MCM2: variants seen among roughly 807,000 people sequenced by gnomAD.
MCM2 encodes the protein minichromosome maintenance complex component 2.
A neutral mutation model predicts 86.4 loss-of-function variants in MCM2; 49 were observed. The ratio of observed to expected loss-of-function variants is 0.57; its 90% CI spans 0.45 to 0.72. MCM2 has a LOEUF of 0.72. MCM2 is among the 30% of genes least tolerant of loss of function. The pLI, the probability that MCM2 is intolerant of heterozygous loss-of-function variation, is 0.00. For missense variants in MCM2, 1,038 were observed against 1,259.9 expected, an observed-to-expected ratio of 0.82 and a Z score of 2.67; for synonymous variants, 475 against 484.6, an observed-to-expected ratio of 0.98 and a Z score of 0.26.
intron 8 of MCM2, chr3:127,610,701 T>G (rs2074388631): frequency 2.3e-6 from 1 of 441,316 alleles, no homozygotes; most frequent in Non-Finnish European, 4.6e-6. Context: ...CGTGAGAAGC[T>G]GCTGCAGGCT....
chr3:127,604,723 C>T lies in MCM2; in HGVS notation c.352C>T (p.Arg118Trp). The change falls in exon 3 of 16, where the codon CGG (arginine) becomes TGG (tryptophan). Residue 118 changes from arginine (R) to tryptophan (W), a missense_variant. Physicochemically the swap from Arg to Trp is moderately radical, Grantham distance 101 (BLOSUM62 -3). Around this residue, in one of 4 missense-constraint regions of MCM2, gnomAD observed 300 missense variants for 307.4 expected, o/e 0.98. Transcript: ENST00000265056. ...GAGGGAGGCAGCAGAGCGGGCCATG[C>T]GGCAGCGTGACCGGGAGGCTGGCCG... ...SQREAAERAM[R>W]QRDREAGRGL... 13 of 1,611,180 alleles carry T rather than the reference C, an allele frequency of 8.1e-6. No individual in the cohort carries two copies. The highest frequency in any genetic ancestry group is 1.1e-5 in the South Asian group (1 of 90,920).
At chr3:127,611,519 A>G (rs544062158) in intron 8 of MCM2, among the ~76,000 whole-genome samples, 1 of 152,148 alleles carries the variant, frequency 6.6e-6, no homozygotes, top group South Asian at 2.1e-4. Flanking sequence ...AGGTTCCAAA[A>G]CGACTTGTTC....
At chr3:127,613,161 T>C (rs907127960) in intron 8 of MCM2, among the ~76,000 whole-genome samples, 3 of 152,134 alleles carry the variant, frequency 2.0e-5, no homozygotes, top group African/African-American at 4.8e-5. Flanking sequence ...GGGGATTGAG[T>C]TGGGCAATCT....
At chr3:127,614,363 A>G (rs575814479) in intron 8 of MCM2, among the ~76,000 whole-genome samples, 1 of 152,288 alleles carries the variant, frequency 6.6e-6, no homozygotes, top group Non-Finnish European at 1.5e-5. Context: ...CATTTCCCTG[A>G]TTATCTTACC....
intron 8 of MCM2, among the ~76,000 whole-genome samples, chr3:127,611,871 T>G (rs1264232832): frequency 6.7e-6 from 1 of 148,628 alleles, no homozygotes; most frequent in Non-Finnish European, 1.5e-5. Context: ...GCTAATTTTT[T>G]TGTATTTTTA....
Position 127,606,918 on chromosome 3 carries a change from C to T in MCM2, c.1101+101C>T, listed in dbSNP as rs1371041911. 10 of 1,167,372 alleles carry T rather than the reference C, an allele frequency of 8.6e-6. No homozygotes were observed. Among genetic ancestry groups the T allele is most frequent in the Admixed American group, 1.9e-5 (1 of 53,858 alleles). 72.3% of individuals were successfully genotyped at this position (1,167,372 alleles called of 1,614,324 possible). On this transcript the variant is annotated intron_variant, in intron 6 of 15. Coordinates refer to ENST00000265056, the MANE Select transcript of MCM2 (RefSeq NM_004526.4). This position sits in a 1 kb window ranked among gnomAD's most constrained non-coding sequence, Gnocchi z 4.2. ...GCTGTGGAAGACCAGTGTGGGCAGC[C>T]GCAAGAAGCAAGATAGAATTGTGTG... is the stretch of plus-strand genomic sequence containing the variant.
intron 8 of MCM2, among the ~76,000 whole-genome samples, chr3:127,615,056 G>C (rs185667130): frequency 6.6e-6 from 1 of 152,166 alleles, no homozygotes; most frequent in Non-Finnish European, 1.5e-5. Flanking sequence ...GCCTGATGGG[G>C]GTGTCTCCCC....
At chr3:127,616,783 T>G in intron 9 of MCM2, 85 bp from the exon 10 acceptor site, 3 of 1,446,850 alleles carry the variant, frequency 2.1e-6, no homozygotes, top group Non-Finnish European at 2.9e-6. Context: ...ACAAGTAGGT[T>G]GAGGAATTGG....
rs1459174343 is a variant in MCM2, at chr3:127,609,031, G to A, written c.1428+8G>A. 1.2e-6 allele frequency: 2 copies of A among 1,613,176 alleles called. No homozygotes were observed. Among genetic ancestry groups the A allele is most frequent in the Non-Finnish European group, 1.7e-6 (2 of 1,179,890 alleles). ...CAGCAGATCGGAGAGAAGGTAGGTG[G>A]AAGGCAGGGGCAGGGGCTGTCAGGA... On this transcript the variant is annotated splice_region_variant and intron_variant, in intron 8 of 15. Coordinates refer to ENST00000265056, the MANE Select transcript of MCM2 (RefSeq NM_004526.4).
Position 127,621,790 on chromosome 3 carries a change from TA to T in MCM2, c.*19del. 1 of 1,598,040 alleles carries T rather than the reference TA, an allele frequency of 6.3e-7. No individual in the cohort carries two copies. The highest frequency in any genetic ancestry group is 8.6e-7 in the Non-Finnish European group (1 of 1,166,254). On this transcript the variant is annotated 3_prime_UTR_variant, in exon 16 of 16. Coordinates refer to ENST00000265056, the MANE Select transcript of MCM2 (RefSeq NM_004526.4). The stretch of plus-strand genomic sequence containing the variant: ...CAGTTCTGAGGCCCTATGCCATCCA[TA>T]AGGATTCCTTGGGATTCTGGTTTGG...
At chr3:127,607,720 G>A (rs760043370) in intron 6 of MCM2, among the ~76,000 whole-genome samples, 27 of 152,176 alleles carry the variant, frequency 1.8e-4, no homozygotes, top group Non-Finnish European at 1.5e-4. Context: ...GGTGGTGGGT[G>A]GTTTATTACC....
Position 127,609,021 on chromosome 3 carries a change from A to AAGGT in MCM2, c.1428+3_1428+6dup. ...CTCCAAGGATCAGCAGATCGGAGAGAAGGTAGGTGGAAGGCAGGGGCAGGG... is the reference window on the plus strand; with the variant it reads ...CTCCAAGGATCAGCAGATCGGAGAGAAGGTAGGTAGGTGGAAGGCAGGGGCAGGG... On this transcript the variant is annotated frameshift_variant and splice_region_variant, in exon 8 of 16. Transcript: ENST00000265056. LOFTEE classifies it high-confidence loss of function. 6.2e-7 allele frequency: 1 copy of AAGGT among 1,613,664 alleles called. No individual in the cohort carries two copies. The highest frequency in any genetic ancestry group is 8.5e-7 in the Non-Finnish European group (1 of 1,179,932).
intron 1 of MCM2, chr3:127,598,930 A>G (rs1436052092): frequency 5.9e-6 from 2 of 341,356 alleles, no homozygotes; most frequent in African/African-American, 4.3e-5. Flanking sequence ...TGGCTCTTCT[A>G]TGCCATCTCT....
At chr3:127,600,070 A>G (rs1475099059) in intron 2 of MCM2, among the ~76,000 whole-genome samples, 1 of 152,232 alleles carries the variant, frequency 6.6e-6, no homozygotes, top group Non-Finnish European at 1.5e-5. Flanking sequence ...ACCTGAGGTC[A>G]GGAGTTTGAA....
Position 127,608,361 on chromosome 3 carries a change from C to T in MCM2, c.1102-21C>T, listed in dbSNP as rs181854626. 9 of 1,612,660 alleles carry T rather than the reference C, an allele frequency of 5.6e-6. No individual in the cohort carries two copies. The East Asian group carries it at 1.8e-4, about 32-fold the overall frequency. ...GACATAGTAAGTCAGTGATTTGAGG[C>T]CTTCTGTGTGTCCCTCGCAGACCAT... On this transcript the variant is annotated intron_variant, in intron 6 of 15. Coordinates refer to ENST00000265056, the MANE Select transcript of MCM2 (RefSeq NM_004526.4).
chr3:127,604,046 C>T (rs2074326447), intron 2 of MCM2, among the ~76,000 whole-genome samples: 1 of 152,178 alleles, frequency 6.6e-6, no homozygotes, highest in Non-Finnish European at 1.5e-5. Context: ...GCCTTCACCT[C>T]CCAAAGTGCT....
At chr3:127,598,690 T>C (rs1477435370) in intron 1 of MCM2, among the ~76,000 whole-genome samples, 4 of 152,178 alleles carry the variant, frequency 2.6e-5, no homozygotes, top group Admixed American at 2.6e-4. Flanking sequence ...CTCGGCCCGT[T>C]CAGCCTCTGT....
chr3:127,604,581 A>G, intron 2 of MCM2, 27 bp from the exon 3 acceptor site: 2 of 1,603,110 alleles, frequency 1.2e-6, no homozygotes, highest in Non-Finnish European at 1.7e-6. Flanking sequence ...TTTGGCAGTA[A>G]CCACATCTGT....
intron 8 of MCM2, among the ~76,000 whole-genome samples, chr3:127,614,296 T>C (rs1306024247): frequency 6.6e-6 from 1 of 152,244 alleles, no homozygotes; most frequent in African/African-American, 2.4e-5. Flanking sequence ...AATACCATTA[T>C]CTCACTTTAA....
Sources: gnomAD v4.1 joint callset for allele counts (sites outside exome capture counted in the v4.1 genomes callset) on GRCh38, gnomAD v4.1.1 for gene constraint, gnomAD v4.1.1 regional missense constraint, Gnocchi (gnomAD v3.1) non-coding constraint, MANE v1.5 for transcripts, NCBI Gene and HGNC (gene_info 2026-07-23, HGNC 2026-07-21) for gene names.